JMJD1C: variants seen among roughly 807,000 people sequenced by gnomAD.
JMJD1C encodes the protein jumonji domain containing 1C.
JMJD1C carries 31 observed loss-of-function variants against 245.3 expected under a neutral mutation model. The ratio of observed to expected loss-of-function variants is 0.13; its 90% CI spans 0.09 to 0.17. The LOEUF (loss-of-function observed/expected upper bound fraction) is 0.17, where lower values mean the gene tolerates loss of function less well. Among genes scored for constraint, JMJD1C ranks in the 10% least tolerant of loss-of-function variants. The pLI is 1.00. For synonymous variants in JMJD1C, 1,057 were observed against 1,017.4 expected (o/e 1.04, Z -0.74); for missense variants, 2,691 against 3,000.2 (o/e 0.90, Z 2.41).
intron 1 of JMJD1C, among the ~76,000 whole-genome samples, chr10:63,431,796 G>A (rs1263315882): frequency 2.6e-5 from 4 of 152,128 alleles, no homozygotes; most frequent in Non-Finnish European, 5.9e-5. Flanking sequence ...GGCGGATCAC[G>A]AGGTCCAGAG....
intron 1 of JMJD1C, among the ~76,000 whole-genome samples, chr10:63,414,735 T>TAACAAC (rs544045429): frequency 6.6e-6 from 1 of 151,488 alleles, no homozygotes; most frequent in Non-Finnish European, 1.5e-5. Flanking sequence ...TTGCTAAAAA[T>TAACAAC]AACAACAACA....
chr10:63,192,847 A>G, intron 16 of JMJD1C, 91 bp downstream of exon 16: 1 of 966,988 alleles, frequency 1.0e-6, no homozygotes, highest in Non-Finnish European at 1.6e-6. Flanking sequence ...GTTTACCTCA[A>G]TATTAACAGT....
intron 20 of JMJD1C, 21 bp from the exon 21 acceptor site, chr10:63,184,759 C>G (rs1287778880): frequency 6.3e-7 from 1 of 1,589,622 alleles, no homozygotes; most frequent in African/African-American, 1.4e-5. Context: ...ACAACATTGC[C>G]TTCTTATAAA....
intron 12 of JMJD1C, among the ~76,000 whole-genome samples, chr10:63,198,259 G>A (rs35038510): frequency 0.027 from 4,157 of 152,240 alleles, 90 homozygotes; most frequent in Middle Eastern, 0.044. Context: ...TCTAAAGTGG[G>A]TTTAACACAT....
intron 3 of JMJD1C, among the ~76,000 whole-genome samples, chr10:63,221,909 A>G (rs937003304): frequency 6.6e-6 from 1 of 152,098 alleles, no homozygotes; most frequent in Non-Finnish European, 1.5e-5. Context: ...TTTAGTAGAG[A>G]TGGGGTTTCA....
intron 3 of JMJD1C, among the ~76,000 whole-genome samples, chr10:63,244,642 C>G (rs1175966414): frequency 6.6e-6 from 1 of 152,056 alleles, no homozygotes; most frequent in Non-Finnish European, 1.5e-5. Flanking sequence ...TTTAAGAAAA[C>G]AGAGTGATCT....
chr10:63,454,811 A>G (rs67019024), intron 1 of JMJD1C, among the ~76,000 whole-genome samples: 30,683 of 152,162 alleles, frequency 0.2, 4,060 homozygotes, highest in Non-Finnish European at 0.29. Flanking sequence ...CCACATAATG[A>G]ATATGGCTGA....
At chr10:63,353,641 G>C (rs572441984) in intron 2 of JMJD1C, among the ~76,000 whole-genome samples, 6 of 151,678 alleles carry the variant, frequency 4.0e-5, no homozygotes, top group African/African-American at 1.5e-4. Context: ...TCAGCCTCCG[G>C]AGTAGCTGAG....
chr10:63,243,169 T>C (rs972193033), intron 3 of JMJD1C, among the ~76,000 whole-genome samples: 1 of 146,672 alleles, frequency 6.8e-6, no homozygotes, highest in African/African-American at 2.5e-5. Flanking sequence ...AAAATCTCAA[T>C]AGAATTTAGT....
At chr10:63,258,958 C>T (rs940338558) in intron 3 of JMJD1C, among the ~76,000 whole-genome samples, 1 of 152,092 alleles carries the variant, frequency 6.6e-6, no homozygotes, top group South Asian at 2.1e-4. Flanking sequence ...AAAATAATTA[C>T]GGAAGTATAC....
chr10:63,445,978 C>T (rs965702773), intron 1 of JMJD1C, among the ~76,000 whole-genome samples: 7 of 145,794 alleles, frequency 4.8e-5, no homozygotes, highest in South Asian at 2.2e-4. Context: ...CAGGCTCAGG[C>T]GATTCTCCCA....
At chr10:63,257,724 G>A (rs1854155624) in intron 3 of JMJD1C, among the ~76,000 whole-genome samples, 1 of 152,112 alleles carries the variant, frequency 6.6e-6, no homozygotes, top group Non-Finnish European at 1.5e-5. Flanking sequence ...TGCTGTAAAG[G>A]ATACCACCAC....
intron 1 of JMJD1C, among the ~76,000 whole-genome samples, chr10:63,474,558 C>G (rs1393326894): frequency 6.6e-6 from 1 of 152,014 alleles, no homozygotes; most frequent in African/African-American, 2.4e-5. Flanking sequence ...TCAAGCAATC[C>G]TCCTGCCTCA....
intron 1 of JMJD1C, among the ~76,000 whole-genome samples, chr10:63,498,030 TGAA>T (rs1390867577): frequency 1.3e-5 from 2 of 152,106 alleles, no homozygotes; most frequent in Non-Finnish European, 2.9e-5. Context: ...CATGGAGAGA[TGAA>T]GAAGATACCT....
At chr10:63,519,878 C>T (rs1041948191) in intron 1 of JMJD1C, among the ~76,000 whole-genome samples, 2 of 152,190 alleles carry the variant, frequency 1.3e-5, no homozygotes, top group Admixed American at 6.5e-5. Flanking sequence ...ATGAAGGGAT[C>T]TGAATGATAT....
At chr10:63,324,608 T>A (rs147027547) in intron 2 of JMJD1C, among the ~76,000 whole-genome samples, 6 of 152,228 alleles carry the variant, frequency 3.9e-5, no homozygotes. Context: ...GAACTTGATA[T>A]GTGACAAGCA....
intron 1 of JMJD1C, among the ~76,000 whole-genome samples, chr10:63,453,123 A>C (rs1042971117): frequency 6.6e-6 from 1 of 151,982 alleles, no homozygotes; most frequent in Non-Finnish European, 1.5e-5. Flanking sequence ...AAAAGTGCAA[A>C]AACTGGCCGG....
At chr10:63,521,520 G>A (rs771827781) in intron 1 of JMJD1C, 1 of 1,413,930 alleles carries the variant, frequency 7.1e-7, no homozygotes, top group Non-Finnish European at 9.3e-7. Context: ...ACCCGCCCCG[G>A]ACGTGGGGCC....
In JMJD1C at chr10:63,176,051, C is replaced by T. The variant is rs145092973; in HGVS notation, c.7401+246G>A. 5.9e-5 allele frequency among the ~76,000 whole-genome samples: 9 copies of T among 152,150 alleles called. No homozygotes were observed. In the South Asian group the frequency reaches 6.2e-4, roughly 11 times the overall value. On this transcript the variant is annotated intron_variant, in intron 24 of 25. Transcript: ENST00000399262. ...CCAGGAGGGCTTAAAAATCAGATTT[C>T]GATCTATTAAATCGGAGACAGTATA... is the stretch of plus-strand genomic sequence containing the variant.
Sources: allele counts gnomAD v4.1 joint callset (sites outside exome capture counted in the v4.1 genomes callset), GRCh38; gene constraint gnomAD v4.1.1; transcripts MANE v1.5; gene names NCBI Gene and HGNC (gene_info 2026-07-23, HGNC 2026-07-21).